The following ADGRL3 variants were observed in gnomAD, a reference collection of about 807,000 sequenced individuals.
The protein encoded by ADGRL3 is calcium-independent alpha-latrotoxin receptor 3.
In ADGRL3, 62 loss-of-function variants were observed where a neutral mutation model predicts 153.5. The ratio of observed to expected loss-of-function variants is 0.40; its 90% CI spans 0.33 to 0.50. ADGRL3 has a LOEUF of 0.50. Ranked by LOEUF, ADGRL3 falls within the 20% of genes least tolerant of loss-of-function variation. The pLI is 0.47. For missense variants in ADGRL3, 1,641 were observed against 1,859.4 expected, an observed-to-expected ratio of 0.88 and a Z score of 2.16; for synonymous variants, 710 against 672.5, an observed-to-expected ratio of 1.06 and a Z score of -0.86.
In ADGRL3 at chr4:61,998,296, G is replaced by A. The variant is rs73823293; in HGVS notation, c.3395+31G>A. The A allele has an allele frequency of 3.9e-3, 4,681 of 1,215,080 alleles. 142 individuals are homozygous for A. In the African/African-American group the frequency reaches 0.064, roughly 16 times the overall value. The allele number at this position is 1,215,080 out of a possible 1,614,324, so 75.3% of individuals were successfully genotyped here. ...TGATTTTTATTTTTGTTTTCTATAG[G>A]TTGTGTTACATTTATACTCCAAACT... is the stretch of plus-strand genomic sequence containing the variant. On this transcript the variant is annotated intron_variant, in intron 21 of 26. Transcript: ENST00000683033.
chr4:61,650,779 A>G (rs1445648270), intron 5 of ADGRL3, among the ~76,000 whole-genome samples: 1 of 152,164 alleles, frequency 6.6e-6, no homozygotes, highest in Non-Finnish European at 1.5e-5. Flanking sequence ...ATTAGAGTGC[A>G]TACTTCACCT....
intron 4 of ADGRL3, among the ~76,000 whole-genome samples, chr4:61,560,266 A>G (rs919880514): frequency 3.3e-5 from 5 of 152,118 alleles, no homozygotes; most frequent in Admixed American, 2.0e-4. Context: ...TGTAATATGC[A>G]ATAAAAAACT....
At chr4:61,715,018 T>G (rs2096077668) in intron 6 of ADGRL3, among the ~76,000 whole-genome samples, 1 of 152,176 alleles carries the variant, frequency 6.6e-6, no homozygotes, top group African/African-American at 2.4e-5. Context: ...AATTATTTAG[T>G]ATTATGAAAA....
chr4:61,965,769 G>A (rs970465964), intron 17 of ADGRL3, among the ~76,000 whole-genome samples: 1 of 151,766 alleles, frequency 6.6e-6, no homozygotes, highest in African/African-American at 2.4e-5. Context: ...AAAAAAAAAA[G>A]CATTTGAACA....
intron 2 of ADGRL3, among the ~76,000 whole-genome samples, chr4:61,425,899 G>A (rs1004709184): frequency 6.6e-6 from 1 of 152,198 alleles, no homozygotes; most frequent in African/African-American, 2.4e-5. Flanking sequence ...TTGTTATCCT[G>A]CCTTTAGGTG....
intron 1 of ADGRL3, among the ~76,000 whole-genome samples, chr4:61,371,895 C>G (rs1207131252): frequency 6.6e-6 from 1 of 152,178 alleles, no homozygotes; most frequent in Non-Finnish European, 1.5e-5. Context: ...GGTCTTTTCA[C>G]ATAGTCCCAT....
intron 13 of ADGRL3, among the ~76,000 whole-genome samples, chr4:61,928,765 G>T (rs1314967291): frequency 1.3e-5 from 2 of 152,020 alleles, no homozygotes; most frequent in African/African-American, 4.8e-5. Context: ...GGTGATATCT[G>T]AACACGTTAT....
At chr4:61,571,319 TAAAATAAAATAAAATAAAATA>T (rs2098837679) in intron 4 of ADGRL3, among the ~76,000 whole-genome samples, 2 of 290 alleles carry the variant, frequency 6.9e-3, no homozygotes, top group Non-Finnish European at 0.038. Context: ...AACAAAATAA[TAAAATAAAATAAAATAAAATA>T]AAATAAAATA....
chr4:61,490,336 A>C (rs1400193093), intron 2 of ADGRL3, among the ~76,000 whole-genome samples: 1 of 151,116 alleles, frequency 6.6e-6, no homozygotes, highest in Non-Finnish European at 1.5e-5. Flanking sequence ...TCTCTTCCTC[A>C]TTGTTTCCTT....
At chr4:62,034,903 C>A (rs1200662682) in intron 23 of ADGRL3, among the ~76,000 whole-genome samples, 1 of 151,704 alleles carries the variant, frequency 6.6e-6, no homozygotes, top group Non-Finnish European at 1.5e-5. Flanking sequence ...TGAGAAATAT[C>A]AGAAATATTT....
At chr4:61,912,337 C>T (rs1281355473) in intron 12 of ADGRL3, among the ~76,000 whole-genome samples, 1 of 152,144 alleles carries the variant, frequency 6.6e-6, no homozygotes, top group Non-Finnish European at 1.5e-5. Flanking sequence ...TTCCAAACTT[C>T]TGATGCAATT....
At chr4:61,915,458 C>T (rs969716482) in intron 13 of ADGRL3, among the ~76,000 whole-genome samples, 1 of 151,786 alleles carries the variant, frequency 6.6e-6, no homozygotes, top group African/African-American at 2.4e-5. Flanking sequence ...CTATGCTATC[C>T]TTTTAATGGG....
Position 62,070,163 on chromosome 4 carries a change from A to C in ADGRL3, c.3887A>C (p.Asn1296Thr). ...DTSVMDTLPLNGNHGNSYSIA... is the reference protein window; with the variant it reads ...DTSVMDTLPLTGNHGNSYSIA... ...AGTGTCATGGATACTCTACCACTGA[A>C]TGGTAACCATGGCAATAGTTACAGC... The change falls in exon 27 of 27, where the codon AAT becomes ACT. Residue 1296 changes from asparagine (N) to threonine (T), a missense_variant. This residue lies in a region of ADGRL3 where 517 missense variants were observed against 555.0 expected (regional missense o/e 0.93). Coordinates refer to ENST00000683033, the MANE Select transcript of ADGRL3 (RefSeq NM_001387552.1). The C allele has an allele frequency of 6.2e-7, 1 of 1,614,056 alleles. No homozygotes were observed. The highest frequency in any genetic ancestry group is 1.1e-5 in the South Asian group (1 of 91,086).
At chr4:61,764,775 G>C (rs1240354025) in intron 8 of ADGRL3, among the ~76,000 whole-genome samples, 2 of 151,956 alleles carry the variant, frequency 1.3e-5, no homozygotes, top group African/African-American at 4.8e-5. Flanking sequence ...TTTGGGGGTG[G>C]TATGGAGAGA....
chr4:61,733,661 G>A, intron 8 of ADGRL3, 107 bp downstream of exon 8: 1 of 820,862 alleles, frequency 1.2e-6, no homozygotes, highest in South Asian at 1.9e-5. Flanking sequence ...TCTGGCCTGT[G>A]TACCTGAAAA....
chr4:62,066,720 AAGAATAT>A (rs1416475145), intron 25 of ADGRL3, among the ~76,000 whole-genome samples: 17 of 152,262 alleles, frequency 1.1e-4, no homozygotes, highest in African/African-American at 3.8e-4. Context: ...GAATATAGTG[AAGAATAT>A]ATTATAGTTG....
At position 61,733,172 on chromosome 4, in the gene ADGRL3, G is replaced by A; in HGVS notation, c.1017G>A (p.Gly339=). The A allele has an allele frequency of 6.2e-7, 1 of 1,613,308 alleles. No individual in the cohort carries two copies. Among genetic ancestry groups the A allele is most frequent in the Non-Finnish European group, 8.5e-7 (1 of 1,179,644 alleles). The part of the protein sequence containing the change: ...SDIDLAVDEN[G]LWVIYATEQN... Reference sequence around the variant, plus strand: ...TAGACCTGGCAGTAGATGAGAATGGGCTATGGGTAATCTATGCAACAGAAC... The same window carrying A: ...TAGACCTGGCAGTAGATGAGAATGGACTATGGGTAATCTATGCAACAGAAC... Residue 339 remains glycine (G), a synonymous_variant, in exon 8 of 27, where the codon GGG becomes GGA. Transcript: ENST00000683033.
At chr4:61,302,171 G>A (rs912353319) in intron 1 of ADGRL3, among the ~76,000 whole-genome samples, 17 of 152,112 alleles carry the variant, frequency 1.1e-4, no homozygotes, top group African/African-American at 4.1e-4. Flanking sequence ...CTGATGAGAT[G>A]AATTTTTGTT....
chr4:61,397,573 C>T (rs1003749878), intron 2 of ADGRL3, among the ~76,000 whole-genome samples: 2 of 151,756 alleles, frequency 1.3e-5, no homozygotes, highest in Non-Finnish European at 2.9e-5. Flanking sequence ...TGTTTATTTC[C>T]TCACTTACTT....
Sources: gnomAD v4.1 joint callset for allele counts (sites outside exome capture counted in the v4.1 genomes callset) on GRCh38, gnomAD v4.1.1 for gene constraint, gnomAD v4.1.1 regional missense constraint, MANE v1.5 for transcripts, NCBI Gene and HGNC (gene_info 2026-07-23, HGNC 2026-07-21) for gene names.